The following ASCC1 variants were observed in gnomAD, a reference collection of about 807,000 sequenced individuals.
ASCC1 encodes ASC-1 complex subunit P50.
In ASCC1, 35 loss-of-function variants were observed where a neutral mutation model predicts 46.6. That is an observed-to-expected ratio of 0.75 (90% CI 0.57 to 0.99). The LOEUF (loss-of-function observed/expected upper bound fraction) is 0.99. ASCC1 is among the 50% of genes least tolerant of loss of function. ASCC1 has a pLI of 0.00. For missense variants in ASCC1, 376 were observed against 428.7 expected (o/e 0.88, Z 1.09); for synonymous variants, 143 against 146.6 (o/e 0.98, Z 0.18).
At chr10:72,142,772 C>T (rs1387089870) in intron 7 of ASCC1, among the ~76,000 whole-genome samples, 5 of 152,110 alleles carry the variant, frequency 3.3e-5, no homozygotes, top group Non-Finnish European at 7.4e-5. Flanking sequence ...AATACCTCCC[C>T]CTCCTGTTCC....
At chr10:72,119,538 G>A (rs1010654729) in intron 9 of ASCC1, among the ~76,000 whole-genome samples, 5 of 152,118 alleles carry the variant, frequency 3.3e-5, no homozygotes, top group African/African-American at 9.7e-5. Flanking sequence ...GTGATGAGAA[G>A]CATAGGTGAT....
intron 9 of ASCC1, among the ~76,000 whole-genome samples, chr10:72,118,000 A>G (rs887713523): frequency 6.6e-6 from 1 of 152,244 alleles, no homozygotes; most frequent in African/African-American, 2.4e-5. Flanking sequence ...ATTTAGCAAT[A>G]GATAATCAAG....
intron 9 of ASCC1, among the ~76,000 whole-genome samples, chr10:72,111,209 C>T (rs1259504185): frequency 6.6e-6 from 1 of 151,994 alleles, no homozygotes; most frequent in African/African-American, 2.4e-5. Flanking sequence ...GGTATCAGGC[C>T]AGGCGTGGTG....
chr10:72,123,475 G>T (rs1014273431), intron 9 of ASCC1, among the ~76,000 whole-genome samples: 1 of 152,214 alleles, frequency 6.6e-6, no homozygotes, highest in African/African-American at 2.4e-5. Context: ...CGATTTTAAA[G>T]ATGTACCAAT....
chr10:72,161,787 C>A (rs1589410883), intron 5 of ASCC1, 113 bp from the exon 6 acceptor site: 2 of 1,223,898 alleles, frequency 1.6e-6, no homozygotes, highest in East Asian at 4.7e-5. Context: ...TGATTTTCCA[C>A]AAGGTGCCAA....
intron 9 of ASCC1, among the ~76,000 whole-genome samples, chr10:72,120,332 C>G (rs1449092179): frequency 2.6e-5 from 4 of 152,076 alleles, no homozygotes; most frequent in Non-Finnish European, 5.9e-5. Flanking sequence ...GAGAAAGAAT[C>G]TCTGAGCTTG....
At chr10:72,107,553 T>G (rs942724357) in intron 9 of ASCC1, among the ~76,000 whole-genome samples, 1 of 152,190 alleles carries the variant, frequency 6.6e-6, no homozygotes, top group African/African-American at 2.4e-5. Context: ...TGTGCCCAAG[T>G]GGATTCTTTC....
At chr10:72,143,117 T>C (rs1271933) in intron 7 of ASCC1, among the ~76,000 whole-genome samples, 77,133 of 146,544 alleles carry the variant, frequency 0.53, 22,293 homozygotes, top group African/African-American at 0.79. Context: ...GCAGAGATGG[T>C]GCCACTGCAC....
At chr10:72,214,612 G>A (rs1459612362) in intron 1 of ASCC1, among the ~76,000 whole-genome samples, 1 of 151,892 alleles carries the variant, frequency 6.6e-6, no homozygotes, top group Non-Finnish European at 1.5e-5. Context: ...CCTGGCCTCA[G>A]GTGATCCACC....
chr10:72,157,043 GC>G (rs1849065957), intron 6 of ASCC1, among the ~76,000 whole-genome samples: 1 of 152,140 alleles, frequency 6.6e-6, no homozygotes, highest in African/African-American at 2.4e-5. Context: ...CTGGGCTCAA[GC>G]AATCCTTCCA....
intron 5 of ASCC1, among the ~76,000 whole-genome samples, chr10:72,182,297 C>G (rs1852739294): frequency 6.6e-6 from 1 of 152,150 alleles, no homozygotes; most frequent in South Asian, 2.1e-4. Flanking sequence ...CATCCTTGCC[C>G]CACTCAATCT....
At chr10:72,181,023 T>C (rs1852526086) in intron 5 of ASCC1, 1 of 153,962 alleles carries the variant, frequency 6.5e-6, no homozygotes, top group East Asian at 1.9e-4. Flanking sequence ...TAGAGTGCGG[T>C]GGCACGATCT....
intron 5 of ASCC1, among the ~76,000 whole-genome samples, chr10:72,187,576 C>G (rs1014239796): frequency 7.2e-5 from 11 of 152,090 alleles, no homozygotes; most frequent in African/African-American, 2.4e-4. Context: ...AAAAATTAGC[C>G]GGGCACAGTG....
intron 6 of ASCC1, among the ~76,000 whole-genome samples, chr10:72,154,567 T>C (rs915557216): frequency 1.3e-5 from 2 of 151,562 alleles, no homozygotes; most frequent in African/African-American, 4.9e-5. Flanking sequence ...TCTTGGCTCA[T>C]TGCAACCTCC....
At chr10:72,155,694 T>G (rs1848872642) in intron 6 of ASCC1, among the ~76,000 whole-genome samples, 1 of 152,222 alleles carries the variant, frequency 6.6e-6, no homozygotes, top group Non-Finnish European at 1.5e-5. Flanking sequence ...ACGTATTACC[T>G]TTGTGTTAAG....
At chr10:72,180,207 G>C (rs1190510468) in intron 5 of ASCC1, among the ~76,000 whole-genome samples, 1 of 151,774 alleles carries the variant, frequency 6.6e-6, no homozygotes, top group Non-Finnish European at 1.5e-5. Flanking sequence ...TGAACCCAGG[G>C]AGCAGAGGTT....
At chr10:72,149,447 A>G (rs1451461533) in intron 7 of ASCC1, among the ~76,000 whole-genome samples, 1 of 150,260 alleles carries the variant, frequency 6.7e-6, no homozygotes, top group Non-Finnish European at 1.5e-5. Context: ...CAAAAAAAAA[A>G]AAAAAAAAAA....
chr10:72,160,241 T>C (rs1011145813), intron 6 of ASCC1, among the ~76,000 whole-genome samples: 4 of 152,330 alleles, frequency 2.6e-5, no homozygotes, highest in East Asian at 1.9e-4. Flanking sequence ...AGAAAAATTT[T>C]AGATCCTTTT....
intron 5 of ASCC1, among the ~76,000 whole-genome samples, chr10:72,175,019 T>C (rs1271578081): frequency 6.6e-6 from 1 of 152,274 alleles, no homozygotes; most frequent in Non-Finnish European, 1.5e-5. Context: ...TTGTATTTTC[T>C]TTCTTTTTTT....
Sources: allele counts gnomAD v4.1 joint callset (sites outside exome capture counted in the v4.1 genomes callset), GRCh38; gene constraint gnomAD v4.1.1; transcripts MANE v1.5; gene names NCBI Gene and HGNC (gene_info 2026-07-23, HGNC 2026-07-21).